The following GNB1 variants were observed in gnomAD, a reference collection of about 807,000 sequenced individuals.
GNB1 encodes G protein subunit beta 1, also known as guanine nucleotide-binding protein G(I)/G(S)/G(T) subunit beta-1.
GNB1 carries 2 observed loss-of-function variants against 42.9 expected under a neutral mutation model. That is an observed-to-expected ratio of 0.05 (90% confidence interval 0.02 to 0.15). GNB1 has a LOEUF of 0.15. GNB1 is among the 10% of genes least tolerant of loss of function. The pLI is 1.00. For missense variants in GNB1, 193 were observed against 462.2 expected, an observed-to-expected ratio of 0.42 and a Z score of 5.34; for synonymous variants, 183 against 174.7, an observed-to-expected ratio of 1.05 and a Z score of -0.38.
rs115508374 is a variant in GNB1 at position 1,849,555 on chromosome 1, G to A, written c.-95-10317C>T. Among the ~76,000 whole-genome samples, 1,268 of 152,102 alleles carry A rather than the reference G, an allele frequency of 8.3e-3. 21 individuals carry two copies. The highest frequency in any genetic ancestry group is 0.029 in the African/African-American group (1,213 of 41,470). Reference sequence around the variant, plus strand: ...CTGAGTAGCTGAGACCACAGGCACCGCCAGAGCACCTGGATAATTTTTTTT... The same window carrying A: ...CTGAGTAGCTGAGACCACAGGCACCACCAGAGCACCTGGATAATTTTTTTT... On this transcript the variant is annotated intron_variant, in intron 1 of 11. Transcript: ENST00000378609.
At chr1:1,864,335 AAG>A (rs1553204188) in intron 1 of GNB1, among the ~76,000 whole-genome samples, 3,151 of 123,172 alleles carry the variant, frequency 0.026, 209 homozygotes, top group Non-Finnish European at 0.042. Context: ...AAAAAAAAAA[AAG>A]AAGAAAACCC....
chr1:1,817,701 C>A (rs2100885714), intron 4 of GNB1, 136 bp downstream of exon 4: 1 of 588,624 alleles, frequency 1.7e-6, no homozygotes, highest in Middle Eastern at 4.4e-4. Flanking sequence ...AGAATGACTT[C>A]TTAATAAAAG....
chr1:1,820,944 A>G (rs879456696), intron 3 of GNB1, among the ~76,000 whole-genome samples: 1 of 152,234 alleles, frequency 6.6e-6, no homozygotes, highest in Admixed American at 6.5e-5. Context: ...AACAAGCTCT[A>G]TAACTGCTTA....
chr1:1,848,639 CA>C (rs1423138909), intron 1 of GNB1, among the ~76,000 whole-genome samples: 1 of 152,046 alleles, frequency 6.6e-6, no homozygotes, highest in Non-Finnish European at 1.5e-5. Context: ...AGCTTGATCA[CA>C]AAAATATATA....
chr1:1,877,945 T>A (rs897215986), intron 1 of GNB1, among the ~76,000 whole-genome samples: 1 of 152,290 alleles, frequency 6.6e-6, no homozygotes, highest in South Asian at 2.1e-4. Flanking sequence ...TTTACTAACA[T>A]AGGAAGAGGC....
At chr1:1,842,876 G>A (rs928328373) in intron 1 of GNB1, among the ~76,000 whole-genome samples, 4 of 152,230 alleles carry the variant, frequency 2.6e-5, no homozygotes, top group African/African-American at 9.6e-5. Flanking sequence ...TTCAGGAAGC[G>A]AAGCCTCGCT....
rs545349697 is a variant in GNB1 at position 1,851,113 on chromosome 1, C to T, written c.-95-11875G>A. 3.3e-5 allele frequency among the ~76,000 whole-genome samples: 5 copies of T among 152,140 alleles called. No individual in the cohort carries two copies. In the South Asian group the frequency reaches 8.3e-4, roughly 25 times the overall value. On this transcript the variant is annotated intron_variant, in intron 1 of 11. Coordinates refer to ENST00000378609, the MANE Select transcript of GNB1 (RefSeq NM_002074.5). ...TGAAACCCCGTCTCTACTAAAAATACAAAAATTAGCAAGGCGCCAGGCGCG... is the reference window on the plus strand; with the variant it reads ...TGAAACCCCGTCTCTACTAAAAATATAAAAATTAGCAAGGCGCCAGGCGCG...
At chr1:1,819,284 C>T (rs1646899036) in intron 3 of GNB1, among the ~76,000 whole-genome samples, 1 of 151,390 alleles carries the variant, frequency 6.6e-6, no homozygotes, top group African/African-American at 2.4e-5. Flanking sequence ...TGCTGTGTCG[C>T]GATCTCAGCT....
At chr1:1,865,930 G>C (rs1648913094) in intron 1 of GNB1, among the ~76,000 whole-genome samples, 1 of 151,872 alleles carries the variant, frequency 6.6e-6, no homozygotes, top group African/African-American at 2.4e-5. Flanking sequence ...GCCTGGCCTT[G>C]AAAACAGTAT....
chr1:1,886,364 T>C (rs543131438), intron 1 of GNB1, among the ~76,000 whole-genome samples: 10 of 152,266 alleles, frequency 6.6e-5, no homozygotes, highest in African/African-American at 2.2e-4. Context: ...CAAACTCAAA[T>C]GTCTATAGAT....
intron 1 of GNB1, among the ~76,000 whole-genome samples, chr1:1,878,470 T>C (rs1453047546): frequency 6.6e-6 from 1 of 152,182 alleles, no homozygotes; most frequent in Non-Finnish European, 1.5e-5. Flanking sequence ...AACCCTCTTT[T>C]CCCAGATGTC....
chr1:1,844,898 A>T (rs185320167), intron 1 of GNB1, among the ~76,000 whole-genome samples: 2 of 152,330 alleles, frequency 1.3e-5, no homozygotes, highest in South Asian at 4.1e-4. Flanking sequence ...ATCCAGCCCC[A>T]AGAGTTTTGC....
intron 1 of GNB1, among the ~76,000 whole-genome samples, chr1:1,887,381 G>GT (rs1650215303): frequency 6.6e-6 from 1 of 152,130 alleles, no homozygotes. Flanking sequence ...TATCAAAGCT[G>GT]TTTTTAGCTA....
chr1:1,856,575 G>A lies in GNB1; in HGVS notation c.-95-17337C>T, dbSNP rs571388700. Among the ~76,000 whole-genome samples the A allele has an allele frequency of 5.9e-5, 9 of 152,182 alleles. 1 individual carries two copies. The East Asian group carries it at 9.7e-4, about 16-fold the overall frequency. ...CCCGAGTAGCTGGGACTACAGGCAC[G>A]CGCTACGACGCCCAGCTAACTTTTG... On this transcript the variant is annotated intron_variant, in intron 1 of 11. Coordinates refer to ENST00000378609, the MANE Select transcript of GNB1 (RefSeq NM_002074.5).
At position 1,850,754 on chromosome 1, in the gene GNB1, T is replaced by C. The variant is rs139576007; in HGVS notation, c.-95-11516A>G. ...TCATCTCTAAGTTGGCTTCCATTTATTTCTCTCTTAACAAGAAATCGCTTT... is the reference window on the plus strand; with the variant it reads ...TCATCTCTAAGTTGGCTTCCATTTACTTCTCTCTTAACAAGAAATCGCTTT... On this transcript the variant is annotated intron_variant, in intron 1 of 11. Coordinates refer to ENST00000378609, the MANE Select transcript of GNB1 (RefSeq NM_002074.5). 6.1e-3 allele frequency among the ~76,000 whole-genome samples: 927 copies of C among 152,296 alleles called. 7 individuals carry two copies. The highest frequency in any genetic ancestry group is 0.017 in the Middle Eastern group (5 of 294).
At chr1:1,856,136 C>G (rs182958070) in intron 1 of GNB1, among the ~76,000 whole-genome samples, 12 of 152,324 alleles carry the variant, frequency 7.9e-5, no homozygotes, top group African/African-American at 2.6e-4. Flanking sequence ...ATCCTCCCAT[C>G]TCAGTCTCCT....
chr1:1,852,622 G>GAGTT (rs1369627287), intron 1 of GNB1, among the ~76,000 whole-genome samples: 7 of 151,692 alleles, frequency 4.6e-5, no homozygotes, highest in African/African-American at 1.7e-4. Flanking sequence ...TTGAGCCCAG[G>GAGTT]AGTTGAAGGC....
At chr1:1,867,967 A>G (rs998433957) in intron 1 of GNB1, among the ~76,000 whole-genome samples, 4 of 152,188 alleles carry the variant, frequency 2.6e-5, no homozygotes, top group Non-Finnish European at 4.4e-5. Flanking sequence ...ATACTTATAA[A>G]AAATCTACTA....
chr1:1,879,937 T>C (rs1649750202), intron 1 of GNB1, among the ~76,000 whole-genome samples: 1 of 151,944 alleles, frequency 6.6e-6, no homozygotes, highest in African/African-American at 2.4e-5. Context: ...TTGTTGTTGT[T>C]GTTGTTTTTT....
Sources: allele counts gnomAD v4.1 joint callset (sites outside exome capture counted in the v4.1 genomes callset), GRCh38; gene constraint gnomAD v4.1.1; transcripts MANE v1.5; gene names NCBI Gene and HGNC (gene_info 2026-07-23, HGNC 2026-07-21).